The following KDM4C variants were observed in gnomAD, a reference collection of about 807,000 sequenced individuals.
KDM4C encodes the protein lysine demethylase 4C.
KDM4C carries 81 observed loss-of-function variants against 129.3 expected under a neutral mutation model. That is an observed-to-expected ratio of 0.63 (90% CI 0.52 to 0.75). KDM4C has a LOEUF of 0.75. Among genes scored for constraint, KDM4C ranks in the 30% least tolerant of loss-of-function variants. The probability of loss-of-function intolerance (pLI) is 0.00; values close to 1 mark genes in which losing one functional copy is unlikely to be tolerated. For missense variants in KDM4C, 1,457 were observed against 1,304.0 expected (o/e 1.12, Z -1.81); for synonymous variants, 573 against 456.1 (o/e 1.26, Z -3.26).
intron 18 of KDM4C, among the ~76,000 whole-genome samples, chr9:7,127,638 G>C (rs1459263940): frequency 6.6e-6 from 1 of 152,180 alleles, no homozygotes; most frequent in Admixed American, 6.5e-5. Flanking sequence ...GGGAGTTTGA[G>C]GGTAGGGAAG....
chr9:7,021,112 A>G, intron 15 of KDM4C, among the ~76,000 whole-genome samples: 1 of 128,110 alleles, frequency 7.8e-6, no homozygotes. Flanking sequence ...TTGTACATAC[A>G]TATATATATG....
chr9:7,068,104 A>C (rs1029048767), intron 17 of KDM4C, among the ~76,000 whole-genome samples: 1 of 152,086 alleles, frequency 6.6e-6, no homozygotes, highest in Non-Finnish European at 1.5e-5. Context: ...CTGATTTTTG[A>C]CTTTTTTCTA....
At chr9:6,844,156 C>T (rs576328365) in intron 4 of KDM4C, among the ~76,000 whole-genome samples, 1 of 152,212 alleles carries the variant, frequency 6.6e-6, no homozygotes, top group South Asian at 2.1e-4. Flanking sequence ...AAAGCTTTTT[C>T]TCTGTTTTTC....
intron 2 of KDM4C, among the ~76,000 whole-genome samples, chr9:6,796,161 T>C (rs1035240391): frequency 2.6e-5 from 4 of 152,080 alleles, no homozygotes; most frequent in African/African-American, 7.2e-5. Context: ...AAAATCTCAT[T>C]TGGGCTGGGT....
At chr9:6,878,142 C>T (rs1434589022) in intron 5 of KDM4C, among the ~76,000 whole-genome samples, 1 of 152,140 alleles carries the variant, frequency 6.6e-6, no homozygotes, top group Non-Finnish European at 1.5e-5. Flanking sequence ...GATATTACCA[C>T]AGTATGGCTT....
upstream of KDM4C, among the ~76,000 whole-genome samples, chr9:6,756,270 A>G (rs993344103): frequency 7.9e-5 from 12 of 152,248 alleles, no homozygotes; most frequent in Admixed American, 7.9e-4. Context: ...AGCTCTGAAG[A>G]CAGTGTGTAG....
chr9:7,124,737 G>T (rs866131634), intron 18 of KDM4C, among the ~76,000 whole-genome samples: 1 of 151,992 alleles, frequency 6.6e-6, no homozygotes, highest in East Asian at 1.9e-4. Flanking sequence ...CATACCTACC[G>T]ACACCTAAAG....
At chr9:6,836,967 A>C (rs1358452173) in intron 4 of KDM4C, among the ~76,000 whole-genome samples, 1 of 152,232 alleles carries the variant, frequency 6.6e-6, no homozygotes, top group East Asian at 1.9e-4. Flanking sequence ...TAGGAATGGA[A>C]ATGCTGGCTC....
chr9:6,850,313 A>G (rs1057427105), intron 5 of KDM4C, among the ~76,000 whole-genome samples: 10 of 152,212 alleles, frequency 6.6e-5, no homozygotes, highest in Admixed American at 3.3e-4. Context: ...TCAAGAATTT[A>G]TTGGGCATCT....
chr9:6,961,312 C>T (rs868437826), intron 8 of KDM4C, among the ~76,000 whole-genome samples: 1 of 152,110 alleles, frequency 6.6e-6, no homozygotes, highest in Non-Finnish European at 1.5e-5. Context: ...ATGTGTGCAG[C>T]ACTAAACGTG....
At chr9:6,794,236 A>G (rs534010346) in intron 2 of KDM4C, among the ~76,000 whole-genome samples, 12 of 152,242 alleles carry the variant, frequency 7.9e-5, no homozygotes, top group Non-Finnish European at 1.8e-4. Context: ...TGGAGCTTAC[A>G]TTCTAGTTGT....
chr9:6,801,641 G>T (rs13285530), intron 2 of KDM4C, among the ~76,000 whole-genome samples: 1 of 133,160 alleles, frequency 7.5e-6, no homozygotes, highest in Non-Finnish European at 1.6e-5. Context: ...CTCTCTCTCT[G>T]TCTCTCTCTC....
At chr9:6,974,338 G>A (rs1205070874) in intron 8 of KDM4C, among the ~76,000 whole-genome samples, 1 of 152,138 alleles carries the variant, frequency 6.6e-6, no homozygotes, top group East Asian at 1.9e-4. Flanking sequence ...TCAACAATAT[G>A]CATCCATGCT....
At chr9:7,086,536 C>G (rs983538987) in intron 17 of KDM4C, among the ~76,000 whole-genome samples, 1 of 152,160 alleles carries the variant, frequency 6.6e-6, no homozygotes, top group Non-Finnish European at 1.5e-5. Flanking sequence ...ATTCTCAGTT[C>G]CAGTCCATCT....
At chr9:6,951,104 T>C (rs1421648615) in intron 8 of KDM4C, among the ~76,000 whole-genome samples, 1 of 152,220 alleles carries the variant, frequency 6.6e-6, no homozygotes, top group Non-Finnish European at 1.5e-5. Flanking sequence ...TTTTAATACA[T>C]ACAATTTATA....
chr9:7,165,703 C>T (rs1015491591), intron 20 of KDM4C, among the ~76,000 whole-genome samples: 1 of 152,216 alleles, frequency 6.6e-6, no homozygotes, highest in African/African-American at 2.4e-5. Context: ...GCCAAGACAG[C>T]GATGGCCACT....
chr9:6,962,546 A>G (rs1563893306), intron 8 of KDM4C, among the ~76,000 whole-genome samples: 2 of 152,244 alleles, frequency 1.3e-5, no homozygotes, highest in South Asian at 2.1e-4. Context: ...TTAAAGGAAC[A>G]AGAAATCCTA....
At chr9:7,055,864 G>C (rs1830798046) in intron 17 of KDM4C, among the ~76,000 whole-genome samples, 1 of 152,140 alleles carries the variant, frequency 6.6e-6, no homozygotes, top group African/African-American at 2.4e-5. Context: ...TGAGCAACTT[G>C]GCTTTCTTTC....
chr9:6,873,395 A>G (rs1288701257), intron 5 of KDM4C, among the ~76,000 whole-genome samples: 1 of 152,192 alleles, frequency 6.6e-6, no homozygotes, highest in Non-Finnish European at 1.5e-5. Flanking sequence ...TTTCCTCCAC[A>G]TTGAAAATCT....
Sources: gnomAD v4.1 joint callset for allele counts (sites outside exome capture counted in the v4.1 genomes callset) on GRCh38, gnomAD v4.1.1 for gene constraint, MANE v1.5 for transcripts, NCBI Gene and HGNC (gene_info 2026-07-23, HGNC 2026-07-21) for gene names.